Variants in CREB5 observed in about 807,000 individuals in gnomAD.
CREB5 encodes the protein cAMP responsive element binding protein 5.
CREB5 carries 19 observed loss-of-function variants against 57.1 expected under a neutral mutation model. The ratio of observed to expected loss-of-function variants is 0.33; its 90% CI spans 0.23 to 0.49. CREB5 has a LOEUF of 0.49. Among genes scored for constraint, CREB5 ranks in the 20% least tolerant of loss-of-function variants. The pLI, the probability that CREB5 is intolerant of heterozygous loss-of-function variation, is 0.99. For missense variants in CREB5, 579 were observed against 671.6 expected (o/e 0.86, Z 1.52); for synonymous variants, 238 against 238.3 (o/e 1.00, Z 0.01).
intron 1 of CREB5, among the ~76,000 whole-genome samples, chr7:28,316,798 TCTC>T (rs1422432249): frequency 6.6e-6 from 1 of 152,016 alleles, no homozygotes; most frequent in Non-Finnish European, 1.5e-5. Context: ...ACTTTCAAAA[TCTC>T]CTCACTGATT....
At chr7:28,803,602 CA>C (rs776121794) in intron 7 of CREB5, among the ~76,000 whole-genome samples, 1 of 151,800 alleles carries the variant, frequency 6.6e-6, no homozygotes, top group African/African-American at 2.4e-5. Flanking sequence ...ACTAAAAATA[CA>C]AAAATTAGCT....
rs183215302 is a variant in CREB5 at position 28,514,604 on chromosome 7, T to G, written c.291+6867T>G. Reference sequence around the variant, plus strand: ...TAGAGACGGGATTTCACCGTGTTAGTCAGGATGGTCTCAATCTCGGACCTC... The same window carrying G: ...TAGAGACGGGATTTCACCGTGTTAGGCAGGATGGTCTCAATCTCGGACCTC... On this transcript the variant is annotated intron_variant, in intron 4 of 10. Transcript: ENST00000357727. 7.3e-3 allele frequency among the ~76,000 whole-genome samples: 1,108 copies of G among 152,140 alleles called. 44 individuals are homozygous for G. Among genetic ancestry groups the G allele is most frequent in the Admixed American group, 0.063 (956 of 15,274 alleles).
chr7:28,331,193 T>A (rs182673509), intron 1 of CREB5, among the ~76,000 whole-genome samples: 32 of 152,232 alleles, frequency 2.1e-4, no homozygotes, highest in Middle Eastern at 3.4e-3. Flanking sequence ...CATTTTTTTT[T>A]ATTATCGCTA....
At chr7:28,680,019 GA>G (rs60857544) in intron 5 of CREB5, among the ~76,000 whole-genome samples, 31,889 of 152,062 alleles carry the variant, frequency 0.21, 3,669 homozygotes, top group African/African-American at 0.28. Flanking sequence ...ACACAGAGTA[GA>G]AAATTATCTC....
chr7:28,567,516 T>C (rs1795529884), intron 4 of CREB5, among the ~76,000 whole-genome samples: 1 of 152,194 alleles, frequency 6.6e-6, no homozygotes, highest in African/African-American at 2.4e-5. Flanking sequence ...TAAAATCAGA[T>C]TTAGTTTCTT....
In CREB5 at chr7:28,819,182, A is replaced by G. The variant is rs1224820084; in HGVS notation, c.1430A>G (p.Asn477Ser). The change falls in exon 11 of 11, where the codon AAT becomes AGT. Residue 477 changes from asparagine (N) to serine (S), a missense_variant. By Grantham distance (46) the Asn-to-Ser change is conservative. This residue lies in a region of CREB5 where 114 missense variants were observed against 130.8 expected (regional missense o/e 0.87). Coordinates refer to ENST00000357727, the MANE Select transcript of CREB5 (RefSeq NM_182898.4). ...ACSQQQVIQH[N>S]TITTSSSVSE... is the part of the protein sequence containing the mutation. ...TCCCAGCAACAAGTCATCCAGCATA[A>G]TACCATCACTACTTCCTCATCGGTC... is the stretch of plus-strand genomic sequence containing the variant. 2.5e-6 allele frequency: 4 copies of G among 1,613,750 alleles called. No individual in the cohort carries two copies. Among genetic ancestry groups the G allele is most frequent in the Admixed American group, 1.7e-5 (1 of 59,956 alleles).
intron 5 of CREB5, among the ~76,000 whole-genome samples, chr7:28,683,343 A>G (rs1381506649): frequency 6.6e-6 from 1 of 152,162 alleles, no homozygotes; most frequent in African/African-American, 2.4e-5. Context: ...CAGCCAGTGG[A>G]ATGCCTGATT....
chr7:28,531,915 G>C (rs1214491751), intron 4 of CREB5, among the ~76,000 whole-genome samples: 1 of 152,180 alleles, frequency 6.6e-6, no homozygotes, highest in African/African-American at 2.4e-5. Context: ...TGTACTCCCA[G>C]CTACTCGGGA....
chr7:28,358,804 G>A (rs892421495), intron 1 of CREB5, among the ~76,000 whole-genome samples: 2 of 152,182 alleles, frequency 1.3e-5, no homozygotes, highest in Admixed American at 6.5e-5. Context: ...GCCTCAGCAT[G>A]TTAGAGGGAA....
rs1051343427 is a variant in CREB5 at position 28,370,528 on chromosome 7, T to C, written c.-25+71087T>C. Among the ~76,000 whole-genome samples the C allele has an allele frequency of 2.6e-5, 4 of 152,198 alleles. No homozygotes were observed. The South Asian group carries it at 6.2e-4, about 24-fold the overall frequency. ...ACAAAAGTGTGAGCCTCTTTAAATATGTAGAAATAGGGAAAATTGTGTTTG... is the reference window on the plus strand; with the variant it reads ...ACAAAAGTGTGAGCCTCTTTAAATACGTAGAAATAGGGAAAATTGTGTTTG... On this transcript the variant is annotated intron_variant, in intron 1 of 9. Transcript: ENST00000396299.
chr7:28,709,912 G>C (rs1802319483), intron 5 of CREB5, among the ~76,000 whole-genome samples: 1 of 152,216 alleles, frequency 6.6e-6, no homozygotes, highest in Non-Finnish European at 1.5e-5. Flanking sequence ...CACAGTGTGG[G>C]TGTAACTGGT....
At chr7:28,518,149 T>A (rs1312127245) in intron 4 of CREB5, among the ~76,000 whole-genome samples, 1 of 152,102 alleles carries the variant, frequency 6.6e-6, no homozygotes, top group Non-Finnish European at 1.5e-5. Flanking sequence ...GCGGAGCCCT[T>A]GAGATCTGAG....
At chr7:28,320,171 T>G (rs1007790476) in intron 1 of CREB5, among the ~76,000 whole-genome samples, 1 of 152,084 alleles carries the variant, frequency 6.6e-6, no homozygotes, top group Non-Finnish European at 1.5e-5. Flanking sequence ...CCTCAAGTGG[T>G]CTGCTTGCCT....
intron 1 of CREB5, among the ~76,000 whole-genome samples, chr7:28,300,058 ATTTATT>A (rs1477618547): frequency 1.3e-3 from 1 of 742 alleles, no homozygotes; most frequent in Non-Finnish European, 2.9e-3. Context: ...AGCTTTATTT[ATTTATT>A]TATTTATTTA....
At chr7:28,458,159 G>A (rs1272512033) in intron 1 of CREB5, among the ~76,000 whole-genome samples, 2 of 152,188 alleles carry the variant, frequency 1.3e-5, no homozygotes, top group East Asian at 3.8e-4. Flanking sequence ...TTTGGGGAAA[G>A]GCCTGAGACT....
chr7:28,699,784 C>A (rs1407473779), intron 5 of CREB5, among the ~76,000 whole-genome samples: 1 of 151,984 alleles, frequency 6.6e-6, no homozygotes, highest in South Asian at 2.1e-4. Flanking sequence ...AACAATAGGG[C>A]CAAGAAGGGG....
intron 5 of CREB5, among the ~76,000 whole-genome samples, chr7:28,691,681 G>A (rs532159402): frequency 2.5e-4 from 38 of 152,194 alleles, no homozygotes; most frequent in South Asian, 1.7e-3. Flanking sequence ...TGGGATCCCC[G>A]AATCTAAGCT....
chr7:28,484,796 G>T (rs775716134), intron 1 of CREB5, among the ~76,000 whole-genome samples: 41 of 152,184 alleles, frequency 2.7e-4, no homozygotes, highest in Non-Finnish European at 5.3e-4. Context: ...GTCTTCTGAG[G>T]CATGATTTCT....
intron 5 of CREB5, among the ~76,000 whole-genome samples, chr7:28,606,828 T>A (rs988703035): frequency 7.9e-5 from 12 of 152,202 alleles, no homozygotes; most frequent in African/African-American, 2.9e-4. Context: ...TGAAATTTAA[T>A]TTTTAATTGA....
Sources: allele counts gnomAD v4.1 joint callset (sites outside exome capture counted in the v4.1 genomes callset), GRCh38; gene constraint gnomAD v4.1.1; regional missense constraint gnomAD v4.1.1; transcripts MANE v1.5; gene names NCBI Gene and HGNC (gene_info 2026-07-23, HGNC 2026-07-21).